The following TTLL5 variants were observed in gnomAD, a reference collection of about 807,000 sequenced individuals.
TTLL5 encodes tubulin polyglutamylase TTLL5.
A neutral mutation model predicts 168.4 loss-of-function variants in TTLL5; 132 were observed. That is an observed-to-expected ratio of 0.78 (90% confidence interval 0.68 to 0.91). TTLL5 has a LOEUF of 0.91. Ranked by LOEUF, TTLL5 falls within the 40% of genes least tolerant of loss-of-function variation. The pLI is 0.00. For synonymous variants in TTLL5, 546 were observed against 558.6 expected, an observed-to-expected ratio of 0.98 and a Z score of 0.32; for missense variants, 1,545 against 1,581.5, an observed-to-expected ratio of 0.98 and a Z score of 0.39.
chr14:75,666,394 A>G (rs747319548), intron 2 of TTLL5, among the ~76,000 whole-genome samples: 6 of 152,246 alleles, frequency 3.9e-5, no homozygotes, highest in Non-Finnish European at 5.9e-5. Flanking sequence ...CTGTTTTTCT[A>G]TATTTTGCTT....
intron 31 of TTLL5, among the ~76,000 whole-genome samples, chr14:75,933,255 C>T (rs749441034): frequency 9.2e-5 from 14 of 152,086 alleles, no homozygotes; most frequent in Admixed American, 2.6e-4. Flanking sequence ...CCAGGAGTTC[C>T]AGACCAGCCT....
chr14:75,769,364 C>T (rs568684523), intron 20 of TTLL5, among the ~76,000 whole-genome samples: 9 of 152,170 alleles, frequency 5.9e-5, no homozygotes, highest in Admixed American at 3.9e-4. Flanking sequence ...TACTGAGCAT[C>T]TGCATAACCT....
chr14:75,842,728 G>A (rs1164981858), intron 28 of TTLL5, among the ~76,000 whole-genome samples: 1 of 152,180 alleles, frequency 6.6e-6, no homozygotes, highest in Admixed American at 6.5e-5. Flanking sequence ...GGGGAAAGGA[G>A]GGAGGAAAGA....
intron 30 of TTLL5, among the ~76,000 whole-genome samples, chr14:75,884,996 C>T (rs2032031630): frequency 6.7e-6 from 1 of 150,022 alleles, no homozygotes; most frequent in African/African-American, 2.5e-5. Flanking sequence ...TGGTGAAACC[C>T]TGTCTCTACT....
intron 24 of TTLL5, among the ~76,000 whole-genome samples, chr14:75,781,735 A>T (rs1235974584): frequency 6.6e-6 from 1 of 152,130 alleles, no homozygotes; most frequent in Non-Finnish European, 1.5e-5. Flanking sequence ...CAGGTGGATC[A>T]CCTGAGGTCA....
rs73321406 is a variant in TTLL5 at position 75,887,100 on chromosome 14, T to A, written c.3740+4198T>A. On this transcript the variant is annotated intron_variant, in intron 30 of 31. Transcript: ENST00000298832. ...CTGAGTGGAAGTTGGTGGTAACGAC[T>A]GTTCTGTGTCAGCACCCAGGACAGT... 3.2e-3 allele frequency: 3,682 copies of A among 1,137,310 alleles called. 82 individuals are homozygous for A. The African/African-American group carries it at 0.053, about 16-fold the overall frequency. 70.5% of individuals were successfully genotyped at this position (1,137,310 alleles called of 1,614,324 possible).
rs1889511902 is a variant in TTLL5, at chr14:75,744,984, A to C, written c.1282-111A>C. Reference sequence around the variant, plus strand: ...TTACAGAAAGTGGGCTATGAATTTGAGCTTATAAATCTTTAGAAAAATAAT... The same window carrying C: ...TTACAGAAAGTGGGCTATGAATTTGCGCTTATAAATCTTTAGAAAAATAAT... On this transcript the variant is annotated intron_variant, in intron 15 of 31. Transcript: ENST00000298832. 3 of 871,688 alleles carry C rather than the reference A, an allele frequency of 3.4e-6. No homozygotes were observed. The African/African-American group carries it at 5.1e-5, about 15-fold the overall frequency. 54.0% of individuals were successfully genotyped at this position (871,688 alleles called of 1,614,324 possible).
At chr14:75,719,965 A>G (rs1031376429) in intron 11 of TTLL5, 139 bp downstream of exon 11, 1 of 899,658 alleles carries the variant, frequency 1.1e-6, no homozygotes, top group East Asian at 2.7e-5. Context: ...TTTTTCCTGC[A>G]GTTGACAAGC....
chr14:75,854,297 T>C (rs1432514353), intron 28 of TTLL5, among the ~76,000 whole-genome samples: 2 of 152,236 alleles, frequency 1.3e-5, no homozygotes, highest in Admixed American at 6.5e-5. Flanking sequence ...CTTTTGTGTT[T>C]GGCTTCTTTC....
At chr14:75,851,081 G>A (rs539538771) in intron 28 of TTLL5, among the ~76,000 whole-genome samples, 2 of 118,856 alleles carry the variant, frequency 1.7e-5, no homozygotes, top group African/African-American at 3.3e-5. Flanking sequence ...GAGTGACAGA[G>A]TGAGACCTTG....
At chr14:75,747,810 A>G (rs1889704342) in intron 17 of TTLL5, among the ~76,000 whole-genome samples, 2 of 152,140 alleles carry the variant, frequency 1.3e-5, no homozygotes, top group Admixed American at 1.3e-4. Context: ...TTTGTTCTTT[A>G]TCCTGATAGT....
At chr14:75,811,602 G>A (rs1894038048) in intron 27 of TTLL5, among the ~76,000 whole-genome samples, 2 of 152,130 alleles carry the variant, frequency 1.3e-5, no homozygotes, top group African/African-American at 4.8e-5. Flanking sequence ...TTGAGGGCAG[G>A]GAAGGGCCAC....
chr14:75,792,924 T>C lies in TTLL5; in HGVS notation c.2995T>C (p.Tyr999His). 2 of 1,600,664 alleles carry C rather than the reference T, an allele frequency of 1.2e-6. No homozygotes were observed. Among genetic ancestry groups the C allele is most frequent in the Non-Finnish European group, 1.7e-6 (2 of 1,171,588 alleles). ...TTTCTCCGTTTTAGCAGGATCGTGC[T>C]ATCTAAACAAGCATCATTCAGGAAT... Reference protein sequence around the residue: ...RPSSAKAGSCYLNKHHSGIAK... With the variant: ...RPSSAKAGSCHLNKHHSGIAK... The change falls in exon 27 of 32, where the codon TAT becomes CAT. Residue 999 changes from tyrosine to histidine, a missense_variant. Physicochemically the swap from Tyr to His is moderately conservative, Grantham distance 83. Transcript: ENST00000298832.
chr14:75,765,699 C>CA (rs1397632582), intron 19 of TTLL5, among the ~76,000 whole-genome samples: 2 of 151,876 alleles, frequency 1.3e-5, no homozygotes, highest in Non-Finnish European at 1.5e-5. Flanking sequence ...CCTGTCTCTA[C>CA]AAAAAATACA....
chr14:75,784,548 ATTTG>A (rs368477883), intron 26 of TTLL5, among the ~76,000 whole-genome samples: 18 of 152,330 alleles, frequency 1.2e-4, no homozygotes, highest in South Asian at 1.0e-3. Context: ...TGCTATGAAC[ATTTG>A]TTTGTAAGTT....
At chr14:75,861,092 A>G (rs2029944227) in intron 28 of TTLL5, among the ~76,000 whole-genome samples, 1 of 152,180 alleles carries the variant, frequency 6.6e-6, no homozygotes, top group Non-Finnish European at 1.5e-5. Context: ...TGAAGATCAA[A>G]TGTCGCACTC....
chr14:75,906,727 T>C (rs1246549025), intron 31 of TTLL5: 2 of 984,440 alleles, frequency 2.0e-6, no homozygotes, highest in Admixed American at 6.1e-5. Context: ...TTGCTGACTT[T>C]ATACTACAGC....
At chr14:75,867,437 A>G (rs1482113225) in intron 29 of TTLL5, among the ~76,000 whole-genome samples, 1 of 152,198 alleles carries the variant, frequency 6.6e-6, no homozygotes, top group African/African-American at 2.4e-5. Context: ...AGCACTATTC[A>G]GGGTTCTCTA....
chr14:75,771,709 G>A lies in TTLL5; in HGVS notation c.2016-25G>A, dbSNP rs202140827. On this transcript the variant is annotated intron_variant, in intron 20 of 31. Transcript: ENST00000298832. ...TAGTTTTACACTTCTGTCACATAAC[G>A]GTATGTTGTTTTGGATTTCTATAGC... 1.2e-5 allele frequency: 20 copies of A among 1,612,858 alleles called. No homozygotes were observed. The Admixed American group carries it at 1.3e-4, about 11-fold the overall frequency.
Sources: gnomAD v4.1 joint callset for allele counts (sites outside exome capture counted in the v4.1 genomes callset) on GRCh38, gnomAD v4.1.1 for gene constraint, MANE v1.5 for transcripts, NCBI Gene and HGNC (gene_info 2026-07-23, HGNC 2026-07-21) for gene names.